The following LAMA1 variants were observed in gnomAD, a reference collection of about 807,000 sequenced individuals.
The protein encoded by LAMA1 is laminin subunit alpha-1.
A neutral mutation model predicts 348.7 loss-of-function variants in LAMA1; 219 were observed. The observed-to-expected ratio is 0.63, with a 90% CI of 0.56 to 0.70. LAMA1 has a LOEUF of 0.70. LAMA1 is among the 30% of genes least tolerant of loss of function. The pLI, the probability that LAMA1 is intolerant of heterozygous loss-of-function variation, is 0.00. For synonymous variants in LAMA1, 1,487 were observed against 1,491.0 expected (o/e 1.00, Z 0.06); for missense variants, 3,744 against 3,888.0 (o/e 0.96, Z 0.99).
chr18:7,085,118 T>G (rs999716447), intron 1 of LAMA1, among the ~76,000 whole-genome samples: 1 of 152,052 alleles, frequency 6.6e-6, no homozygotes, highest in Non-Finnish European at 1.5e-5. Context: ...GAAAAGAAAA[T>G]GATTTGCAAT....
At chr18:6,966,817 C>T (rs2057635270) in intron 48 of LAMA1, among the ~76,000 whole-genome samples, 1 of 152,122 alleles carries the variant, frequency 6.6e-6, no homozygotes, top group Non-Finnish European at 1.5e-5. Flanking sequence ...CTTAAAGACC[C>T]ATATCATACT....
At chr18:6,985,669 G>T in intron 37 of LAMA1, 26 bp from the exon 38 acceptor site, 1 of 1,546,384 alleles carries the variant, frequency 6.5e-7, no homozygotes, top group Non-Finnish European at 8.9e-7. Flanking sequence ...CATTTTAAGG[G>T]TGCTTCATAA....
chr18:7,049,201 C>G lies in LAMA1; in HGVS notation c.645G>C (p.Leu215Phe). The change falls in exon 5 of 63, where the codon TTG (leucine) becomes TTC (phenylalanine). Residue 215 changes from leucine to phenylalanine, a missense_variant. Transcript: ENST00000389658. ...TATATCGTGCAGAAGTGAATTCCAA[C>G]AACTTGGGTGAAAGATCGTCAGCGC... Reference protein sequence around the residue: ...RPSADDLSPKLLEFTSARYIR... With the variant: ...RPSADDLSPKFLEFTSARYIR... The G allele has an allele frequency of 6.2e-7, 1 of 1,614,130 alleles. No individual in the cohort carries two copies. The highest frequency in any genetic ancestry group is 1.7e-5 in the Admixed American group (1 of 60,018).
At chr18:7,018,360 A>T in intron 19 of LAMA1, among the ~76,000 whole-genome samples, 1 of 149,726 alleles carries the variant, frequency 6.7e-6, no homozygotes. Flanking sequence ...AAAAAAAAAG[A>T]ACATTTAATA....
Position 6,992,709 on chromosome 18 carries a change from T to C in LAMA1, c.5020A>G (p.Lys1674Glu). The change falls in exon 36 of 63, where the codon AAG (lysine) becomes GAG (glutamate). Residue 1674 changes from lysine to glutamate, a missense_variant. Around this residue, in one of 3 missense-constraint regions of LAMA1, gnomAD observed 1,983 missense variants for 1,934.3 expected, o/e 1.03. Coordinates refer to ENST00000389658, the MANE Select transcript of LAMA1 (RefSeq NM_005559.4). Reference sequence around the variant, plus strand: ...TCCAAAGTCTGATTTAAAGTTGTCTTTTCCATAATTTCTATGGAGAAAATT... The same window carrying C: ...TCCAAAGTCTGATTTAAAGTTGTCTCTTCCATAATTTCTATGGAGAAAATT... Reference protein sequence around the residue: ...LQMSITEIMEKTTLNQTLDED... With the variant: ...LQMSITEIMEETTLNQTLDED... 2 of 1,613,138 alleles carry C rather than the reference T, an allele frequency of 1.2e-6. No homozygotes were observed. The highest frequency in any genetic ancestry group is 1.7e-6 in the Non-Finnish European group (2 of 1,179,074).
chr18:6,982,643 G>C (rs1411665890), intron 40 of LAMA1, 53 bp from the exon 41 acceptor site: 1 of 1,438,018 alleles, frequency 7.0e-7, no homozygotes, highest in Non-Finnish European at 9.8e-7. Context: ...GTGGAGTCCT[G>C]CTGGGGACAG....
chr18:6,947,394 C>G (rs2057527020), intron 60 of LAMA1, 98 bp from the exon 61 acceptor site: 1 of 1,459,970 alleles, frequency 6.8e-7, no homozygotes, highest in Admixed American at 1.8e-5. Context: ...CTGGCTCTAG[C>G]TCCTCCTTTG....
At chr18:6,968,466 C>A (rs58231936) in intron 48 of LAMA1, among the ~76,000 whole-genome samples, 174 of 152,304 alleles carry the variant, frequency 1.1e-3, no homozygotes, top group African/African-American at 4.0e-3. Context: ...TTTTCCCCTA[C>A]GCCATGAGAT....
Position 6,985,335 on chromosome 18 carries a change from G to C in LAMA1, c.5562C>G (p.Asp1854Glu), listed in dbSNP as rs753883650. Residue 1854 changes from aspartate to glutamate, a missense_variant, in exon 39 of 63, where the codon GAC becomes GAG. Physicochemically the swap from Asp to Glu is conservative, Grantham distance 45 (BLOSUM62 2). Around this residue, in one of 3 missense-constraint regions of LAMA1, gnomAD observed 1,983 missense variants for 1,934.3 expected, o/e 1.03. Coordinates refer to ENST00000389658, the MANE Select transcript of LAMA1 (RefSeq NM_005559.4). The stretch of plus-strand genomic sequence containing the variant: ...TCCTTTGGGACATGTGCATGACCAG[G>C]TCATCTATGTGGTGCCTGATTTTGG... ...WSAKIRHHID[D>E]LVMHMSQRNA... The C allele has an allele frequency of 6.2e-7, 1 of 1,614,216 alleles. No individual in the cohort carries two copies. Among genetic ancestry groups the C allele is most frequent in the South Asian group, 1.1e-5 (1 of 91,084 alleles).
In LAMA1 at chr18:6,999,552, C is replaced by T. The variant is rs2057798132; in HGVS notation, c.4556G>A (p.Gly1519Asp). Residue 1519 changes from glycine (G) to aspartate (D), a missense_variant, in exon 32 of 63, where the codon GGT (glycine) becomes GAT (aspartate). Physicochemically the swap from Gly to Asp is moderately conservative, Grantham distance 94. Transcript: ENST00000389658. Reference protein sequence around the residue: ...CDCNPHGSVHGDCDRTSGQCV... With the variant: ...CDCNPHGSVHDDCDRTSGQCV... ...CTGCCCAGATGTGCGGTCACAGTCA[C>T]CGTGGACAGAGCCGTGCGGGTTGCA... 6.2e-7 allele frequency: 1 copy of T among 1,614,162 alleles called. No homozygotes were observed. The highest frequency in any genetic ancestry group is 8.5e-7 in the Non-Finnish European group (1 of 1,180,032).
In LAMA1 at chr18:7,007,120, C is replaced by A. The variant is rs1394860937; in HGVS notation, c.4260+19G>T. The A allele has an allele frequency of 2.5e-6, 4 of 1,613,422 alleles. No homozygotes were observed. In the South Asian group the frequency reaches 3.3e-5, roughly 13 times the overall value. On this transcript the variant is annotated intron_variant, in intron 29 of 62. Coordinates refer to ENST00000389658, the MANE Select transcript of LAMA1 (RefSeq NM_005559.4). ...CTTTACTTCTAAACTCAGGCAAGCACCCCCACAAACCAGCATACCAGACAC... is the reference window on the plus strand; with the variant it reads ...CTTTACTTCTAAACTCAGGCAAGCAACCCCACAAACCAGCATACCAGACAC...
chr18:6,966,732 G>A (rs1168680024), intron 48 of LAMA1, among the ~76,000 whole-genome samples: 2 of 152,164 alleles, frequency 1.3e-5, no homozygotes, highest in Non-Finnish European at 2.9e-5. Flanking sequence ...TGGAAAGCAA[G>A]TATGTGCCCA....
rs201639941 is a variant in LAMA1, at chr18:6,942,161, G to A, written c.9146C>T (p.Pro3049Leu). 26 of 1,614,096 alleles carry A rather than the reference G, an allele frequency of 1.6e-5. 1 individual carries two copies. In the Admixed American group the frequency reaches 1.7e-4, roughly 10 times the overall value. Residue 3049 changes from proline to leucine, a missense_variant, in exon 63 of 63, where the codon CCG (proline) becomes CTG (leucine). By Grantham distance (98) the Pro-to-Leu change is moderately conservative. Coordinates refer to ENST00000389658, the MANE Select transcript of LAMA1 (RefSeq NM_005559.4). The stretch of plus-strand genomic sequence containing the variant: ...GCTGAAGTCAAAGGACTGCACCTGC[G>A]GGCTCTTAATCAGAGCTAGCTTCCT... Reference protein sequence around the residue: ...CLRKLALIKSPQVQSFDFSRA... With the variant: ...CLRKLALIKSLQVQSFDFSRA...
intron 6 of LAMA1, 141 bp downstream of exon 6, chr18:7,046,137 G>A: frequency 1.7e-6 from 1 of 605,378 alleles, no homozygotes; most frequent in Middle Eastern, 4.4e-4. Flanking sequence ...AATGACACAA[G>A]TTAAATTTCT....
At chr18:6,963,944 A>T (rs1404395727) in intron 51 of LAMA1, 1 of 152,440 alleles carries the variant, frequency 6.6e-6, no homozygotes, top group Non-Finnish European at 1.5e-5. Context: ...TGGTCTTTCA[A>T]CTTGCACATA....
chr18:6,992,776 A>C lies in LAMA1; in HGVS notation c.5009-56T>G, dbSNP rs192716958. On this transcript the variant is annotated intron_variant, in intron 35 of 62. Transcript: ENST00000389658. ...AGCCTCTCAAAAGTGGCTAGTACCA[A>C]GTGAAGAACTTAGAAACTTCTCTGC... The C allele has an allele frequency of 3.2e-4, 466 of 1,456,774 alleles. 4 individuals carry two copies. The East Asian group carries it at 0.01, about 33-fold the overall frequency. The allele number at this position is 1,456,774 out of a possible 1,614,324, so 90.2% of individuals were successfully genotyped here.
chr18:7,095,411 C>G (rs2058257130), intron 1 of LAMA1, among the ~76,000 whole-genome samples: 1 of 152,176 alleles, frequency 6.6e-6, no homozygotes, highest in Admixed American at 6.5e-5. Context: ...CTACACCCCC[C>G]ACTATGATGT....
chr18:7,017,657 T>G (rs965332853), intron 19 of LAMA1, among the ~76,000 whole-genome samples: 1 of 152,148 alleles, frequency 6.6e-6, no homozygotes, highest in Non-Finnish European at 1.5e-5. Flanking sequence ...CATGACTTCC[T>G]CGACATATTT....
chr18:7,103,632 G>A (rs1187293495), intron 1 of LAMA1, among the ~76,000 whole-genome samples: 1 of 150,252 alleles, frequency 6.7e-6, no homozygotes, highest in Non-Finnish European at 1.5e-5. Flanking sequence ...TGGCCAACAT[G>A]GTGAAACCCC....
Sources: gnomAD v4.1 joint callset for allele counts (sites outside exome capture counted in the v4.1 genomes callset) on GRCh38, gnomAD v4.1.1 for gene constraint, gnomAD v4.1.1 regional missense constraint, MANE v1.5 for transcripts, NCBI Gene and HGNC (gene_info 2026-07-23, HGNC 2026-07-21) for gene names.